The following SRGAP3 variants were observed in gnomAD, a reference collection of about 807,000 sequenced individuals.
The protein encoded by SRGAP3 is SLIT-ROBO Rho GTPase-activating protein 3.
A neutral mutation model predicts 121.1 loss-of-function variants in SRGAP3; 39 were observed. The observed-to-expected ratio is 0.32, with a 90% CI of 0.25 to 0.42. The LOEUF is 0.42. Ranked by LOEUF, SRGAP3 falls within the 10% of genes least tolerant of loss-of-function variation. The pLI is 1.00. For missense variants in SRGAP3, 1,213 were observed against 1,470.6 expected (o/e 0.82, Z 2.86); for synonymous variants, 601 against 570.0 (o/e 1.05, Z -0.77).
chr3:9,276,260 G>T (rs1420539195), intron 3 of SRGAP3, among the ~76,000 whole-genome samples: 4 of 151,972 alleles, frequency 2.6e-5, no homozygotes. Flanking sequence ...CAAAGCTCTG[G>T]GGCTGAGATA....
At chr3:9,114,089 AG>A (rs1047975946) in intron 2 of SRGAP3, among the ~76,000 whole-genome samples, 7 of 152,140 alleles carry the variant, frequency 4.6e-5, no homozygotes, top group Non-Finnish European at 1.0e-4. Flanking sequence ...TGGCCAAAGC[AG>A]GCTTTGCTTA....
At chr3:9,324,238 C>T (rs922646994) in intron 3 of SRGAP3, among the ~76,000 whole-genome samples, 4 of 151,988 alleles carry the variant, frequency 2.6e-5, no homozygotes, top group African/African-American at 4.8e-5. Context: ...AGTTCATCCA[C>T]AAGGACTCAA....
At chr3:9,119,697 G>C (rs1948932735) in intron 2 of SRGAP3, among the ~76,000 whole-genome samples, 1 of 152,210 alleles carries the variant, frequency 6.6e-6, no homozygotes, top group Non-Finnish European at 1.5e-5. Flanking sequence ...TAGCAGTTAA[G>C]AGGACTGCAG....
At position 9,157,456 on chromosome 3, in the gene SRGAP3, G is replaced by A. The variant is rs1374196179; in HGVS notation, c.68-32539C>T. On this transcript the variant is annotated intron_variant, in intron 1 of 21. Transcript: ENST00000383836. ...AGCCAAACCATATCAAATACCATAAGAGCAACTTAAAGATAATAACAATAA... is the reference window on the plus strand; with the variant it reads ...AGCCAAACCATATCAAATACCATAAAAGCAACTTAAAGATAATAACAATAA... Among the ~76,000 whole-genome samples, 3 of 152,160 alleles carry A rather than the reference G, an allele frequency of 2.0e-5. No homozygotes were observed. In the East Asian group the frequency reaches 5.8e-4, roughly 29 times the overall value.
At chr3:9,259,013 C>G (rs767051126) in intron 3 of SRGAP3, among the ~76,000 whole-genome samples, 1 of 152,216 alleles carries the variant, frequency 6.6e-6, no homozygotes, top group Non-Finnish European at 1.5e-5. Context: ...GCATCCGCCT[C>G]GCTCCTAAGC....
chr3:9,199,301 A>G (rs953588490), intron 1 of SRGAP3, among the ~76,000 whole-genome samples: 1 of 152,200 alleles, frequency 6.6e-6, no homozygotes, highest in African/African-American at 2.4e-5. Context: ...GCACCTCAGA[A>G]GCATTCATAA....
At chr3:9,192,803 T>C (rs1951796132) in intron 1 of SRGAP3, 1 of 152,206 alleles carries the variant, frequency 6.6e-6, no homozygotes, top group Non-Finnish European at 1.5e-5. Context: ...CCTGGAAGGC[T>C]AATGAGTCTG....
chr3:9,362,240 T>C (rs568584610), intron 1 of SRGAP3, among the ~76,000 whole-genome samples: 44 of 40,284 alleles, frequency 1.1e-3, no homozygotes, highest in Middle Eastern at 8.9e-3. Context: ...ATCTTGGCTC[T>C]CTGCAACCTC....
At chr3:9,316,862 G>A (rs554867896) in intron 3 of SRGAP3, among the ~76,000 whole-genome samples, 14 of 152,264 alleles carry the variant, frequency 9.2e-5, no homozygotes, top group Middle Eastern at 6.8e-3. Flanking sequence ...TCTGAAGGCG[G>A]GAGAGGAGGT....
At chr3:9,322,694 C>T (rs1559276852) in intron 3 of SRGAP3, among the ~76,000 whole-genome samples, 1 of 151,800 alleles carries the variant, frequency 6.6e-6, no homozygotes, top group East Asian at 1.9e-4. Flanking sequence ...TGAGACCATC[C>T]CCCCATCACC....
intron 3 of SRGAP3, among the ~76,000 whole-genome samples, chr3:9,280,921 G>A (rs1212486676): frequency 6.6e-6 from 1 of 152,082 alleles, no homozygotes; most frequent in East Asian, 1.9e-4. Context: ...AGCCTGGCTT[G>A]TGCTCAGAAA....
intron 3 of SRGAP3, among the ~76,000 whole-genome samples, chr3:9,091,844 C>T (rs769944942): frequency 6.6e-6 from 1 of 152,190 alleles, no homozygotes; most frequent in African/African-American, 2.4e-5. Flanking sequence ...CTTCCTTTCC[C>T]TGCTCCTGAA....
intron 2 of SRGAP3, among the ~76,000 whole-genome samples, chr3:9,111,931 CT>C (rs1249146511): frequency 6.6e-6 from 1 of 152,140 alleles, no homozygotes; most frequent in Non-Finnish European, 1.5e-5. Context: ...TATCTATTTT[CT>C]TTTTTTATGG....
intron 1 of SRGAP3, among the ~76,000 whole-genome samples, chr3:9,148,422 G>A (rs1950097930): frequency 6.6e-6 from 1 of 152,180 alleles, no homozygotes; most frequent in Admixed American, 6.5e-5. Flanking sequence ...TTGGACTCTG[G>A]AAGCATCTTT....
At chr3:9,210,235 G>A (rs989010570) in intron 1 of SRGAP3, among the ~76,000 whole-genome samples, 6 of 152,200 alleles carry the variant, frequency 3.9e-5, no homozygotes, top group Admixed American at 2.0e-4. Context: ...GGTGTTAGCT[G>A]CACAATTCTG....
chr3:9,071,033 G>A (rs563745742), intron 4 of SRGAP3, among the ~76,000 whole-genome samples: 3 of 152,310 alleles, frequency 2.0e-5, no homozygotes, highest in Admixed American at 2.0e-4. Flanking sequence ...GGCTTGGGAT[G>A]GGGGTGGAGT....
chr3:9,012,326 A>G (rs1047547847), intron 17 of SRGAP3, among the ~76,000 whole-genome samples: 4 of 152,230 alleles, frequency 2.6e-5, no homozygotes, highest in African/African-American at 4.8e-5. Context: ...ATACCTAAAT[A>G]TATAGCTGTG....
At chr3:9,014,145 TG>T in intron 15 of SRGAP3, 2 of 447,542 alleles carry the variant, frequency 4.5e-6, no homozygotes, top group Non-Finnish European at 8.3e-6. Flanking sequence ...TGGAGCACAG[TG>T]GGGGCCCCTG....
rs574470682 is a variant in SRGAP3 at position 8,984,457 on chromosome 3, T to C, written c.*1062A>G. ...CAGGAAAAGAAAAAATTAAATAGTT[T>C]GAAAATGATATAAGTTAAACCTCTA... On this transcript the variant is annotated 3_prime_UTR_variant, in exon 22 of 22. Transcript: ENST00000383836. 1 of 232,132 alleles carries C rather than the reference T, an allele frequency of 4.3e-6. No homozygotes were observed. The highest frequency in any genetic ancestry group is 1.3e-3 in the Middle Eastern group (1 of 778). 14.4% of individuals were successfully genotyped at this position (232,132 alleles called of 1,614,324 possible). A position where few individuals can be genotyped will look rare whatever the true frequency, so the allele number is the denominator to read the frequency against.
Sources: allele counts gnomAD v4.1 joint callset (sites outside exome capture counted in the v4.1 genomes callset), GRCh38; gene constraint gnomAD v4.1.1; transcripts MANE v1.5; gene names NCBI Gene and HGNC (gene_info 2026-07-23, HGNC 2026-07-21).